CHEK2: variants seen among roughly 807,000 people sequenced by gnomAD.
CHEK2 encodes serine/threonine-protein kinase Chk2.
A neutral mutation model predicts 69.1 loss-of-function variants in CHEK2; 71 were observed. The observed-to-expected ratio is 1.03, with a 90% confidence interval of 0.85 to 1.25. The LOEUF is 1.25. Ranked by LOEUF, CHEK2 falls within the 50% of genes most tolerant of loss-of-function variation. The pLI is 0.00. For missense variants in CHEK2, 664 were observed against 649.6 expected (o/e 1.02, Z -0.24); for synonymous variants, 189 against 226.9 (o/e 0.83, Z 1.50).
At chr22:28,716,612 C>T (rs917367189) in intron 5 of CHEK2, among the ~76,000 whole-genome samples, 10 of 152,280 alleles carry the variant, frequency 6.6e-5, no homozygotes, top group African/African-American at 2.2e-4. Flanking sequence ...CCATATAATA[C>T]AGAGGATACT....
At chr22:28,691,120 A>C (rs143203625) in intron 13 of CHEK2, among the ~76,000 whole-genome samples, 1 of 146,780 alleles carries the variant, frequency 6.8e-6, no homozygotes, top group Admixed American at 6.8e-5. Flanking sequence ...TCAAAAGTCC[A>C]TCTCTTGGCA....
At chr22:28,720,965 C>T (rs1431391146) in intron 4 of CHEK2, among the ~76,000 whole-genome samples, 1 of 152,182 alleles carries the variant, frequency 6.6e-6, no homozygotes, top group Non-Finnish European at 1.5e-5. Flanking sequence ...ACACACCTCC[C>T]ATCTAAAGGA....
At chr22:28,741,448 A>G (rs2054553530) in intron 1 of CHEK2, among the ~76,000 whole-genome samples, 1 of 152,052 alleles carries the variant, frequency 6.6e-6, no homozygotes, top group South Asian at 2.1e-4. Context: ...CTCTATAAGT[A>G]TTTTATAGAT....
rs1363038603 is a variant in CHEK2 at position 28,687,747 on chromosome 22, G to T, written c.*150C>A. On this transcript the variant is annotated 3_prime_UTR_variant, in exon 15 of 15. Coordinates refer to ENST00000404276, the MANE Select transcript of CHEK2 (RefSeq NM_007194.4). ...TATCAAGCAGAAGCACAAAGCCCAG[G>T]TTCCATCAGGTTTTTAATTGTACAT... 2.2e-5 allele frequency: 15 copies of T among 681,504 alleles called. No individual in the cohort carries two copies. In the Admixed American group the frequency reaches 2.5e-4, roughly 11 times the overall value. 42.2% of individuals were successfully genotyped at this position (681,504 alleles called of 1,614,324 possible).
intron 4 of CHEK2, among the ~76,000 whole-genome samples, chr22:28,719,940 T>C (rs746996310): frequency 8.5e-5 from 13 of 152,158 alleles, no homozygotes; most frequent in East Asian, 1.9e-4. Flanking sequence ...ACGGGTATTA[T>C]CATCTCTCAG....
chr22:28,712,814 T>A (rs73881124), intron 5 of CHEK2, among the ~76,000 whole-genome samples: 236 of 152,308 alleles, frequency 1.5e-3, no homozygotes, highest in African/African-American at 5.5e-3. Flanking sequence ...TAAATATACA[T>A]AACACAAAAT....
chr22:28,736,233 G>A (rs1162790390), intron 1 of CHEK2, among the ~76,000 whole-genome samples: 1 of 152,198 alleles, frequency 6.6e-6, no homozygotes, highest in Non-Finnish European at 1.5e-5. Context: ...AGGAGCATCT[G>A]TGTACTTTGG....
intron 13 of CHEK2, among the ~76,000 whole-genome samples, chr22:28,692,196 ATT>A (rs1000952227): frequency 5.9e-5 from 9 of 152,320 alleles, no homozygotes; most frequent in African/African-American, 1.9e-4. Flanking sequence ...GGCCAGCTCT[ATT>A]TTTTGTTAGA....
intron 8 of CHEK2, among the ~76,000 whole-genome samples, chr22:28,702,290 A>C (rs144304772): frequency 2.7e-5 from 4 of 148,672 alleles, no homozygotes; most frequent in Admixed American, 2.0e-4. Context: ...CCAGGCTGGA[A>C]TGCAGTGGCG....
chr22:28,738,568 C>T (rs2054478802), intron 1 of CHEK2, among the ~76,000 whole-genome samples: 1 of 152,172 alleles, frequency 6.6e-6, no homozygotes, highest in Non-Finnish European at 1.5e-5. Context: ...TGCTTGCTAT[C>T]TGGGAGCTAT....
intron 7 of CHEK2, among the ~76,000 whole-genome samples, chr22:28,704,733 C>T (rs1265268609): frequency 6.6e-6 from 1 of 152,134 alleles, no homozygotes; most frequent in Non-Finnish European, 1.5e-5. Flanking sequence ...TACACCCCAG[C>T]ACATTGGAGG....
chr22:28,710,528 G>C (rs1175471134), intron 6 of CHEK2, among the ~76,000 whole-genome samples: 1 of 152,140 alleles, frequency 6.6e-6, no homozygotes, highest in Non-Finnish European at 1.5e-5. Context: ...ACTATATAAA[G>C]AAAATGTGAA....
intron 7 of CHEK2, among the ~76,000 whole-genome samples, chr22:28,707,465 C>A (rs6005841): frequency 0.048 from 7,270 of 152,226 alleles, 199 homozygotes; most frequent in Middle Eastern, 0.075. Context: ...TGCCTCCACA[C>A]TAAAGTCACA....
chr22:28,739,973 C>T (rs1243037552), intron 1 of CHEK2, among the ~76,000 whole-genome samples: 2 of 152,094 alleles, frequency 1.3e-5, no homozygotes, highest in Admixed American at 6.6e-5. Context: ...GAGGCCAAGG[C>T]GGGCGGATCA....
At chr22:28,690,560 G>A (rs147012449) in intron 13 of CHEK2, among the ~76,000 whole-genome samples, 1,675 of 151,308 alleles carry the variant, frequency 0.011, 31 homozygotes, top group African/African-American at 0.038. Context: ...CTCAAGAGGC[G>A]GAGGTTGCAG....
Position 28,722,301 on chromosome 22 carries a change from A to G in CHEK2, c.592+2676T>C, listed in dbSNP as rs1263241890. Among the ~76,000 whole-genome samples the G allele has an allele frequency of 2.1e-4, 32 of 151,454 alleles. No homozygotes were observed. In the South Asian group the frequency reaches 5.2e-3, roughly 25 times the overall value. The stretch of plus-strand genomic sequence containing the variant: ...CACGCCTGTAATCCCAGCACTTTGG[A>G]AGGCCGAGGCGGAAGGATCACGAGG... On this transcript the variant is annotated intron_variant, in intron 4 of 14. Transcript: ENST00000404276.
intron 5 of CHEK2, among the ~76,000 whole-genome samples, chr22:28,716,102 G>A (rs1473611406): frequency 6.6e-6 from 1 of 151,762 alleles, no homozygotes; most frequent in African/African-American, 2.4e-5. Flanking sequence ...TGAACTCCTG[G>A]ACTCAAGTGA....
At chr22:28,708,102 G>A (rs2053225092) in intron 7 of CHEK2, among the ~76,000 whole-genome samples, 1 of 152,078 alleles carries the variant, frequency 6.6e-6, no homozygotes, top group Non-Finnish European at 1.5e-5. Flanking sequence ...GCTTCCCAAA[G>A]TGCTGGGATT....
In CHEK2 at chr22:28,699,362, C is replaced by CTTTTTT. The variant is rs67508991; in HGVS notation, c.1008+470_1008+475dup. On this transcript the variant is annotated intron_variant, in intron 9 of 14. Transcript: ENST00000404276. ...TTAAGCTACACAGTGAGAGCTTTTT[C>CTTTTTT]TTTTTTTTTTTTTTTTTTTTTTGAG... 5.1e-3 allele frequency among the ~76,000 whole-genome samples: 401 copies of CTTTTTT among 78,016 alleles called. 1 individual carries two copies. Among genetic ancestry groups the CTTTTTT allele is most frequent in the African/African-American group, 7.8e-3 (171 of 21,822 alleles). 51.2% of individuals were successfully genotyped at this position (78,016 alleles called of 152,430 possible).
Sources: gnomAD v4.1 joint callset for allele counts (sites outside exome capture counted in the v4.1 genomes callset) on GRCh38, gnomAD v4.1.1 for gene constraint, MANE v1.5 for transcripts, NCBI Gene and HGNC (gene_info 2026-07-23, HGNC 2026-07-21) for gene names.